The following GPM6A variants were observed in gnomAD, a reference collection of about 807,000 sequenced individuals.
GPM6A encodes glycoprotein M6A.
A neutral mutation model predicts 32.1 loss-of-function variants in GPM6A; 7 were observed. The observed-to-expected ratio is 0.22, with a 90% CI of 0.12 to 0.41. The LOEUF (loss-of-function observed/expected upper bound fraction) is 0.41. GPM6A is among the 10% of genes least tolerant of loss of function. The probability of loss-of-function intolerance (pLI) is 1.00; values close to 1 mark genes in which losing one functional copy is unlikely to be tolerated. For synonymous variants in GPM6A, 130 were observed against 123.4 expected (o/e 1.05, Z -0.35); for missense variants, 235 against 347.2 (o/e 0.68, Z 2.57).
chr4:175,910,791 G>C, intron 1 of GPM6A, among the ~76,000 whole-genome samples: 1 of 152,074 alleles, frequency 6.6e-6, no homozygotes, highest in African/African-American at 2.4e-5. Context: ...TTCTGTACAA[G>C]GCCAGATAAT....
At chr4:175,929,637 T>C (rs1738963357) in intron 1 of GPM6A, among the ~76,000 whole-genome samples, 1 of 152,160 alleles carries the variant, frequency 6.6e-6, no homozygotes, top group African/African-American at 2.4e-5. Flanking sequence ...CCCTTTGAAA[T>C]AGAATGAGAT....
At chr4:175,853,520 T>TG in intron 1 of GPM6A, among the ~76,000 whole-genome samples, 1 of 151,208 alleles carries the variant, frequency 6.6e-6, no homozygotes, top group African/African-American at 2.4e-5. Context: ...TTTTTTTTTT[T>TG]TAGCTTTGCA....
intron 1 of GPM6A, among the ~76,000 whole-genome samples, chr4:176,000,087 C>A (rs1419037366): frequency 6.6e-6 from 1 of 152,106 alleles, no homozygotes; most frequent in Non-Finnish European, 1.5e-5. Context: ...CATGCTGTCA[C>A]TCTCCCCTGC....
chr4:175,802,450 T>G (rs1017404161), intron 1 of GPM6A, among the ~76,000 whole-genome samples: 2 of 152,070 alleles, frequency 1.3e-5, no homozygotes, highest in Non-Finnish European at 2.9e-5. Flanking sequence ...CTTGATCCCA[T>G]CTAAAATATA....
At chr4:175,739,237 CA>C (rs1731785897) in intron 1 of GPM6A, among the ~76,000 whole-genome samples, 1 of 152,080 alleles carries the variant, frequency 6.6e-6, no homozygotes. Flanking sequence ...ATTCTTCTCC[CA>C]AAATCTCATG....
chr4:175,887,635 A>G (rs1369880237), intron 1 of GPM6A, among the ~76,000 whole-genome samples: 1 of 151,958 alleles, frequency 6.6e-6, no homozygotes, highest in Non-Finnish European at 1.5e-5. Context: ...CGTTTGACAA[A>G]CCACTGCAAG....
intron 1 of GPM6A, among the ~76,000 whole-genome samples, chr4:175,830,759 T>G (rs1279475211): frequency 6.6e-6 from 1 of 152,182 alleles, no homozygotes; most frequent in Non-Finnish European, 1.5e-5. Context: ...TACTTACTGA[T>G]TTCACTCAAT....
At chr4:175,940,695 G>A (rs1478299442) in intron 1 of GPM6A, among the ~76,000 whole-genome samples, 1 of 151,770 alleles carries the variant, frequency 6.6e-6, no homozygotes, top group East Asian at 1.9e-4. Flanking sequence ...TGCAACCTCC[G>A]CCTCCTAGAT....
At chr4:175,815,608 A>C (rs922988034), upstream of GPM6A, among the ~76,000 whole-genome samples, 2 of 152,074 alleles carry the variant, frequency 1.3e-5, no homozygotes, top group Non-Finnish European at 2.9e-5. Flanking sequence ...GGCTGTAGGC[A>C]GTGGCTCATG....
At chr4:175,665,534 A>G (rs1742698664) in intron 3 of GPM6A, among the ~76,000 whole-genome samples, 1 of 152,144 alleles carries the variant, frequency 6.6e-6, no homozygotes, top group African/African-American at 2.4e-5. Flanking sequence ...TAATCCCAGC[A>G]CTTTGGGAGA....
chr4:175,636,276 A>ATATATATATATG (rs1740593966), intron 6 of GPM6A, among the ~76,000 whole-genome samples: 6 of 123,552 alleles, frequency 4.9e-5, no homozygotes, highest in Non-Finnish European at 8.7e-5. Flanking sequence ...ATATATATAT[A>ATATATATATATG]TATATATATA....
At chr4:175,734,567 T>A (rs59042795) in intron 1 of GPM6A, among the ~76,000 whole-genome samples, 1,937 of 143,692 alleles carry the variant, frequency 0.013, 12 homozygotes, top group African/African-American at 0.018. Context: ...CTTTACTTTT[T>A]AAAAAAAAAA....
chr4:175,902,561 G>A (rs1400459689), intron 1 of GPM6A, among the ~76,000 whole-genome samples: 2 of 152,118 alleles, frequency 1.3e-5, no homozygotes, highest in African/African-American at 4.8e-5. Context: ...CGGACAGGTA[G>A]AGAACCATCT....
intron 2 of GPM6A, among the ~76,000 whole-genome samples, chr4:175,678,948 C>A (rs1203281431): frequency 2.0e-5 from 3 of 152,146 alleles, no homozygotes; most frequent in African/African-American, 7.2e-5. Flanking sequence ...ATTGTTTTCT[C>A]TGGATGATAT....
rs1735934111 is a variant in GPM6A at position 175,841,509 on chromosome 4, A to G, written c.-22-29260T>C. Among the ~76,000 whole-genome samples the G allele has an allele frequency of 3.3e-5, 5 of 152,164 alleles. No homozygotes were observed. In the South Asian group the frequency reaches 1.0e-3, roughly 32 times the overall value. On this transcript the variant is annotated intron_variant, in intron 1 of 7. Coordinates refer to the GPM6A transcript ENST00000280187. Reference sequence around the variant, plus strand: ...GGATAAGGATGCTTGTCTAAAACCAACTTAAAATGATAGGAAGTCTATAAA... The same window carrying G: ...GGATAAGGATGCTTGTCTAAAACCAGCTTAAAATGATAGGAAGTCTATAAA...
At chr4:175,967,565 T>C (rs1280090894) in intron 1 of GPM6A, among the ~76,000 whole-genome samples, 1 of 152,166 alleles carries the variant, frequency 6.6e-6, no homozygotes, top group African/African-American at 2.4e-5. Flanking sequence ...TAAAATATTA[T>C]TTTCAGTCTG....
chr4:175,697,253 C>A (rs2111052701), intron 2 of GPM6A, among the ~76,000 whole-genome samples: 1 of 152,222 alleles, frequency 6.6e-6, no homozygotes, highest in South Asian at 2.1e-4. Flanking sequence ...AATTTTCTAA[C>A]AGTCTCCATA....
At chr4:175,659,511 TAA>T (rs1560857345) in intron 3 of GPM6A, among the ~76,000 whole-genome samples, 1 of 152,100 alleles carries the variant, frequency 6.6e-6, no homozygotes, top group Non-Finnish European at 1.5e-5. Flanking sequence ...TAAAAATAGT[TAA>T]GAGAAAAATA....
chr4:175,916,564 C>T (rs1738500254), intron 1 of GPM6A, among the ~76,000 whole-genome samples: 2 of 152,066 alleles, frequency 1.3e-5, no homozygotes, highest in Non-Finnish European at 2.9e-5. Context: ...GAGACTAGTG[C>T]TAAATTTATA....
Sources: allele counts gnomAD v4.1 joint callset (sites outside exome capture counted in the v4.1 genomes callset), GRCh38; gene constraint gnomAD v4.1.1; transcripts MANE v1.5; gene names NCBI Gene and HGNC (gene_info 2026-07-23, HGNC 2026-07-21).